MGAT5: variants seen among roughly 807,000 people sequenced by gnomAD.
MGAT5 encodes alpha-1,6-mannosylglycoprotein 6-beta-N-acetylglucosaminyltransferase.
A neutral mutation model predicts 94.3 loss-of-function variants in MGAT5; 30 were observed. The ratio of observed to expected loss-of-function variants is 0.32; its 90% CI spans 0.24 to 0.43. The LOEUF (loss-of-function observed/expected upper bound fraction) is 0.43. Ranked by LOEUF, MGAT5 falls within the 20% of genes least tolerant of loss-of-function variation. The pLI is 1.00. For synonymous variants in MGAT5, 310 were observed against 322.9 expected, an observed-to-expected ratio of 0.96 and a Z score of 0.43; for missense variants, 691 against 905.5, an observed-to-expected ratio of 0.76 and a Z score of 3.04.
In MGAT5 at chr2:134,224,796, A is replaced by G. The variant is rs1261568063; in HGVS notation, c.-142-29466A>G. Among the ~76,000 whole-genome samples the G allele has an allele frequency of 2.6e-5, 4 of 152,188 alleles. No individual in the cohort carries two copies. In the East Asian group the frequency reaches 5.8e-4, roughly 22 times the overall value. ...TGGGTGCCTTAGGAATTTCCAATCT[A>G]GGCCAGGCATGGAGGCTCATACCTG... is the stretch of plus-strand genomic sequence containing the variant. On this transcript the variant is annotated intron_variant, in intron 1 of 16. Coordinates refer to the MGAT5 transcript ENST00000409645.
chr2:134,272,374 T>C (rs963284956), intron 2 of MGAT5, among the ~76,000 whole-genome samples: 2 of 151,898 alleles, frequency 1.3e-5, no homozygotes, highest in East Asian at 3.8e-4. Flanking sequence ...GTTTTGTTTT[T>C]TTTTTCCTTT....
intron 1 of MGAT5, among the ~76,000 whole-genome samples, chr2:134,221,536 G>A (rs1470858951): frequency 6.6e-6 from 1 of 152,144 alleles, no homozygotes; most frequent in Non-Finnish European, 1.5e-5. Flanking sequence ...GCTCTTAGTT[G>A]ATTATCTCCT....
At chr2:134,346,151 G>A (rs3828178) in intron 8 of MGAT5, among the ~76,000 whole-genome samples, 6,287 of 152,112 alleles carry the variant, frequency 0.041, 174 homozygotes, top group South Asian at 0.067. Context: ...TTTTGTAAAC[G>A]GCAGACATCT....
chr2:134,381,182 T>C (rs940786759), intron 10 of MGAT5, among the ~76,000 whole-genome samples: 1 of 152,104 alleles, frequency 6.6e-6, no homozygotes, highest in African/African-American at 2.4e-5. Context: ...GGTATGGTGG[T>C]GTGTTCCTTC....
chr2:134,360,267 A>G (rs528823879), intron 9 of MGAT5, among the ~76,000 whole-genome samples: 1 of 152,176 alleles, frequency 6.6e-6, no homozygotes, highest in Non-Finnish European at 1.5e-5. Context: ...CATTCCTCAC[A>G]AGTTTTTCTG....
intron 14 of MGAT5, among the ~76,000 whole-genome samples, chr2:134,436,013 C>G (rs531162582): frequency 6.6e-5 from 10 of 152,304 alleles, no homozygotes; most frequent in African/African-American, 2.4e-4. Flanking sequence ...GGTGAATTAT[C>G]ATATGTAATC....
At chr2:134,260,744 T>C (rs1254230460) in intron 1 of MGAT5, among the ~76,000 whole-genome samples, 1 of 148,886 alleles carries the variant, frequency 6.7e-6, no homozygotes, top group East Asian at 2.0e-4. Context: ...TGTGGGATAA[T>C]GTGGAAAACC....
At chr2:134,237,204 A>C (rs2105425725) in intron 1 of MGAT5, among the ~76,000 whole-genome samples, 1 of 151,558 alleles carries the variant, frequency 6.6e-6, no homozygotes, top group African/African-American at 2.4e-5. Context: ...TGAGCCCTAA[A>C]AGAATTGTTT....
intron 10 of MGAT5, among the ~76,000 whole-genome samples, chr2:134,373,450 A>G (rs1294280124): frequency 2.0e-5 from 3 of 152,260 alleles, no homozygotes; most frequent in Non-Finnish European, 4.4e-5. Context: ...TCTGAAAGGC[A>G]TGGTCTTCTG....
chr2:134,140,944 A>G (rs55944571), intron 1 of MGAT5, among the ~76,000 whole-genome samples: 30,426 of 152,148 alleles, frequency 0.2, 4,166 homozygotes, highest in African/African-American at 0.4. Flanking sequence ...TGGAGGTGCT[A>G]TGGTTTGAAT....
At chr2:134,411,151 C>G (rs553337328) in intron 11 of MGAT5, among the ~76,000 whole-genome samples, 1 of 152,300 alleles carries the variant, frequency 6.6e-6, no homozygotes, top group South Asian at 2.1e-4. Flanking sequence ...AGCCACATGT[C>G]CAGGCCACAC....
intron 1 of MGAT5, among the ~76,000 whole-genome samples, chr2:134,255,948 T>C (rs541018887): frequency 6.6e-6 from 1 of 152,234 alleles, no homozygotes; most frequent in South Asian, 2.1e-4. Flanking sequence ...GTATGTAAAA[T>C]TTTATACACA....
At chr2:134,340,264 G>C (rs1379234959) in intron 6 of MGAT5, among the ~76,000 whole-genome samples, 1 of 152,100 alleles carries the variant, frequency 6.6e-6, no homozygotes, top group African/African-American at 2.4e-5. Flanking sequence ...GGTATAAGAG[G>C]TTCTTGGAAA....
In MGAT5 at chr2:134,215,236, G is replaced by C. The variant is rs563420526; in HGVS notation, c.-142-39026G>C. ...GATTAGTGCTTCTGGAAACATTCTA[G>C]TATATGATATACACATTGCCATTGA... On this transcript the variant is annotated intron_variant, in intron 1 of 16. Coordinates refer to the MGAT5 transcript ENST00000409645. 6.6e-5 allele frequency among the ~76,000 whole-genome samples: 10 copies of C among 152,292 alleles called. No individual in the cohort carries two copies. In the South Asian group the frequency reaches 2.1e-3, roughly 32 times the overall value.
intron 1 of MGAT5, among the ~76,000 whole-genome samples, chr2:134,154,852 ATC>A (rs1687400460): frequency 6.6e-6 from 1 of 152,202 alleles, no homozygotes; most frequent in Non-Finnish European, 1.5e-5. Context: ...ATCTTTTTGT[ATC>A]TGAGTTTGAA....
intron 1 of MGAT5, among the ~76,000 whole-genome samples, chr2:134,261,410 A>G (rs1027231980): frequency 6.6e-6 from 1 of 152,000 alleles, no homozygotes; most frequent in Non-Finnish European, 1.5e-5. Context: ...CACCCCCTCA[A>G]GTCTACTAAG....
intron 4 of MGAT5, among the ~76,000 whole-genome samples, chr2:134,330,729 T>A (rs1467862189): frequency 6.6e-6 from 1 of 152,104 alleles, no homozygotes; most frequent in Non-Finnish European, 1.5e-5. Context: ...AACACCATCA[T>A]CCAGAGATGA....
chr2:134,346,960 A>G (rs1207394280), intron 8 of MGAT5, among the ~76,000 whole-genome samples: 1 of 152,170 alleles, frequency 6.6e-6, no homozygotes, highest in Non-Finnish European at 1.5e-5. Context: ...GCTGAGAGCA[A>G]AGAGAAGTTT....
At chr2:134,185,743 T>G (rs187798943) in intron 1 of MGAT5, among the ~76,000 whole-genome samples, 2 of 152,318 alleles carry the variant, frequency 1.3e-5, no homozygotes, top group East Asian at 3.9e-4. Context: ...TTTGGGCAAT[T>G]GCTTATCTGC....
Sources: allele counts gnomAD v4.1 joint callset (sites outside exome capture counted in the v4.1 genomes callset), GRCh38; gene constraint gnomAD v4.1.1; transcripts MANE v1.5; gene names NCBI Gene and HGNC (gene_info 2026-07-23, HGNC 2026-07-21).